The following HIP1 variants were observed in gnomAD, a reference collection of about 807,000 sequenced individuals.
HIP1 encodes the protein huntingtin-interacting protein 1.
In HIP1, 65 loss-of-function variants were observed where a neutral mutation model predicts 147.6. That is an observed-to-expected ratio of 0.44 (90% CI 0.36 to 0.54). HIP1 has a LOEUF of 0.54. Among genes scored for constraint, HIP1 ranks in the 20% least tolerant of loss-of-function variants. The pLI, the probability that HIP1 is intolerant of heterozygous loss-of-function variation, is 0.00. For missense variants in HIP1, 1,061 were observed against 1,299.6 expected (o/e 0.82, Z 2.82); for synonymous variants, 479 against 504.0 (o/e 0.95, Z 0.67).
chr7:75,638,617 C>T (rs1355240914), intron 1 of HIP1, among the ~76,000 whole-genome samples: 4 of 152,080 alleles, frequency 2.6e-5, no homozygotes, highest in Non-Finnish European at 5.9e-5. Flanking sequence ...ACTGTCCTCC[C>T]AGCGCCACCT....
chr7:75,636,055 G>GC (rs2117142160), intron 1 of HIP1, among the ~76,000 whole-genome samples: 1 of 143,118 alleles, frequency 7.0e-6, no homozygotes, highest in East Asian at 2.1e-4. Context: ...AAAAAATCAT[G>GC]CAGAGGCCAG....
rs553885700 is a variant in HIP1 at position 75,660,926 on chromosome 7, C to T, written c.121-61679G>A. Among the ~76,000 whole-genome samples, 210 of 152,032 alleles carry T rather than the reference C, an allele frequency of 1.4e-3. No individual in the cohort carries two copies. In the Middle Eastern group the frequency reaches 0.027, roughly 20 times the overall value. On this transcript the variant is annotated intron_variant, in intron 1 of 30. Coordinates refer to ENST00000336926, the MANE Select transcript of HIP1 (RefSeq NM_005338.7). ...GGGAAGAGGACCAAAGACATAGCAT[C>T]GGGGAAGGCCTGCATTTAGGGTGGG...
intron 1 of HIP1, among the ~76,000 whole-genome samples, chr7:75,659,377 G>C (rs1554513238): frequency 6.6e-6 from 1 of 152,176 alleles, no homozygotes; most frequent in African/African-American, 2.4e-5. Flanking sequence ...ACATAAGCAG[G>C]GCCGGCCATG....
intron 1 of HIP1, among the ~76,000 whole-genome samples, chr7:75,621,533 AG>A (rs1219817423): frequency 9.8e-5 from 15 of 152,288 alleles, no homozygotes; most frequent in African/African-American, 3.4e-4. Flanking sequence ...TGAGATTAAC[AG>A]GTGAGCCAGT....
At chr7:75,551,545 AG>A (rs1794783826) in intron 22 of HIP1, among the ~76,000 whole-genome samples, 1 of 151,110 alleles carries the variant, frequency 6.6e-6, no homozygotes, top group South Asian at 2.1e-4. Flanking sequence ...TTTTAGAGAC[AG>A]GGTCTTACTC....
chr7:75,599,610 G>T (rs957228617), intron 1 of HIP1, among the ~76,000 whole-genome samples: 5 of 152,120 alleles, frequency 3.3e-5, no homozygotes, highest in Non-Finnish European at 4.4e-5. Flanking sequence ...AGGAAGAGGC[G>T]CAGAGATCAG....
intron 1 of HIP1, among the ~76,000 whole-genome samples, chr7:75,601,621 A>G (rs1392112484): frequency 7.4e-5 from 8 of 108,522 alleles, no homozygotes; most frequent in African/African-American, 1.8e-4. Flanking sequence ...AACAACAAAA[A>G]AAAAAAGAAA....
intron 14 of HIP1, 131 bp from the exon 15 acceptor site, chr7:75,558,386 G>T: frequency 1.4e-6 from 1 of 717,762 alleles, no homozygotes; most frequent in East Asian, 2.6e-5. Context: ...ACCCAGGCTG[G>T]GGTGCAGTGG....
At chr7:75,579,093 C>T (rs1163341701) in intron 7 of HIP1, among the ~76,000 whole-genome samples, 1 of 152,070 alleles carries the variant, frequency 6.6e-6, no homozygotes, top group East Asian at 1.9e-4. Flanking sequence ...GCTGAAATTA[C>T]AGGCATGAGC....
At chr7:75,572,917 A>T (rs1299920909) in intron 8 of HIP1, among the ~76,000 whole-genome samples, 1 of 152,088 alleles carries the variant, frequency 6.6e-6, no homozygotes, top group Admixed American at 6.5e-5. Context: ...CCCTCTTCTG[A>T]ACCTGTTCCC....
At position 75,573,384 on chromosome 7, in the gene HIP1, G is replaced by GT. The variant is rs587770523; in HGVS notation, c.745+376dup. On this transcript the variant is annotated intron_variant, in intron 8 of 30. Coordinates refer to ENST00000336926, the MANE Select transcript of HIP1 (RefSeq NM_005338.7). ...TACCCACTGCAGTCTCCTCTGAGCT[G>GT]TTCTAATACTCAATAAAGCTCCTCT... Among the ~76,000 whole-genome samples the GT allele has an allele frequency of 8.2e-3, 1,244 of 152,304 alleles. 6 individuals carry two copies. The highest frequency in any genetic ancestry group is 0.012 in the Non-Finnish European group (807 of 68,024).
intron 1 of HIP1, among the ~76,000 whole-genome samples, chr7:75,619,015 A>G (rs1366120746): frequency 6.6e-6 from 1 of 152,086 alleles, no homozygotes; most frequent in East Asian, 1.9e-4. Context: ...CTGTGTGTAG[A>G]AAGAAAGCCT....
At chr7:75,731,919 A>C (rs1801849514) in intron 1 of HIP1, among the ~76,000 whole-genome samples, 1 of 152,098 alleles carries the variant, frequency 6.6e-6, no homozygotes, top group African/African-American at 2.4e-5. Context: ...ATCCTTATGC[A>C]GGGGGCCCAG....
intron 1 of HIP1, among the ~76,000 whole-genome samples, chr7:75,668,406 C>T (rs575458153): frequency 6.6e-5 from 10 of 152,290 alleles, no homozygotes; most frequent in African/African-American, 2.2e-4. Context: ...CTCACTGCAA[C>T]CTCTGCCTCC....
At chr7:75,562,298 T>A (rs794361) in intron 11 of HIP1, 128 bp from the exon 12 acceptor site, 265,710 of 640,190 alleles carry the variant, frequency 0.42, 57,840 homozygotes, top group Non-Finnish European at 0.44. Flanking sequence ...TTAATTTTTT[T>A]AATTTTTTTG....
chr7:75,680,515 A>G (rs992988939), intron 1 of HIP1, among the ~76,000 whole-genome samples: 21 of 152,204 alleles, frequency 1.4e-4, no homozygotes, highest in Admixed American at 4.6e-4. Flanking sequence ...ACTATATGCC[A>G]GAAAGATTTT....
chr7:75,733,430 CTTT>C (rs56744076), intron 1 of HIP1: 33 of 132,532 alleles, frequency 2.5e-4, no homozygotes, highest in Admixed American at 3.1e-4. Context: ...TTTTCTTTTT[CTTT>C]TTTTTTTTTT....
chr7:75,600,705 T>C (rs1796941935), intron 1 of HIP1, among the ~76,000 whole-genome samples: 1 of 152,190 alleles, frequency 6.6e-6, no homozygotes. Flanking sequence ...TTCTTGAATG[T>C]ATCTCCCGGA....
At chr7:75,639,087 C>G (rs1041600144) in intron 1 of HIP1, 6 of 980,370 alleles carry the variant, frequency 6.1e-6, no homozygotes, top group Non-Finnish European at 7.3e-6. Context: ...CTGCGGGGCA[C>G]CCCCCCACCC....
Sources: gnomAD v4.1 joint callset for allele counts (sites outside exome capture counted in the v4.1 genomes callset) on GRCh38, gnomAD v4.1.1 for gene constraint, MANE v1.5 for transcripts, NCBI Gene and HGNC (gene_info 2026-07-23, HGNC 2026-07-21) for gene names.